ARID5B: variants seen among roughly 807,000 people sequenced by gnomAD.
ARID5B encodes the protein AT-rich interactive domain-containing protein 5B.
A neutral mutation model predicts 97.2 loss-of-function variants in ARID5B; 13 were observed. The observed-to-expected ratio is 0.13, with a 90% CI of 0.09 to 0.21. ARID5B has a LOEUF of 0.21. Ranked by LOEUF, ARID5B falls within the 10% of genes least tolerant of loss-of-function variation. The probability of loss-of-function intolerance (pLI) is 1.00; values close to 1 mark genes in which losing one functional copy is unlikely to be tolerated. For synonymous variants in ARID5B, 556 were observed against 570.3 expected (o/e 0.97, Z 0.36); for missense variants, 1,210 against 1,465.3 (o/e 0.83, Z 2.84).
At chr10:61,955,572 ATCTAGTTACAAGATTTT>A (rs1564612499) in intron 3 of ARID5B, among the ~76,000 whole-genome samples, 1 of 152,230 alleles carries the variant, frequency 6.6e-6, no homozygotes, top group Non-Finnish European at 1.5e-5. Flanking sequence ...ACTACAGATA[ATCTAGTTACAAGATTTT>A]AGTAATGTCA....
At chr10:62,065,021 G>A (rs1589280973) in intron 7 of ARID5B, among the ~76,000 whole-genome samples, 3 of 152,186 alleles carry the variant, frequency 2.0e-5, no homozygotes, top group African/African-American at 4.8e-5. Context: ...TGATCCACCC[G>A]TCTCAGCCTC....
At chr10:61,934,472 C>T (rs1434834035) in intron 2 of ARID5B, among the ~76,000 whole-genome samples, 1 of 152,144 alleles carries the variant, frequency 6.6e-6, no homozygotes, top group African/African-American at 2.4e-5. Flanking sequence ...TTATTTCTAG[C>T]TTTTGATTTA....
At chr10:62,087,745 T>C (rs1193167219) in intron 9 of ARID5B, among the ~76,000 whole-genome samples, 1 of 152,162 alleles carries the variant, frequency 6.6e-6, no homozygotes, top group Admixed American at 6.5e-5. Flanking sequence ...CAGCTGACTC[T>C]TACATAAGAA....
At chr10:61,935,117 C>T (rs1045572226) in intron 2 of ARID5B, among the ~76,000 whole-genome samples, 15 of 151,752 alleles carry the variant, frequency 9.9e-5, no homozygotes, top group African/African-American at 2.7e-4. Flanking sequence ...AGACACAAAG[C>T]GAGCACCTCC....
intron 3 of ARID5B, among the ~76,000 whole-genome samples, chr10:61,940,955 A>C (rs1216144819): frequency 1.4e-4 from 1 of 7,276 alleles, no homozygotes; most frequent in Non-Finnish European, 3.2e-4. Context: ...ATATATATAT[A>C]TATATATATA....
intron 3 of ARID5B, among the ~76,000 whole-genome samples, chr10:61,988,181 G>A (rs1005556165): frequency 1.6e-4 from 24 of 152,232 alleles, no homozygotes; most frequent in African/African-American, 5.1e-4. Flanking sequence ...CTGCTTTGCC[G>A]TGAGATTAAA....
intron 2 of ARID5B, 23 bp from the exon 3 acceptor site, chr10:61,940,160 T>A: frequency 6.2e-7 from 1 of 1,611,802 alleles, no homozygotes; most frequent in Non-Finnish European, 8.5e-7. Context: ...CGTTTTTTGT[T>A]CTTCCCCAAC....
At chr10:62,008,952 C>T (rs924394256) in intron 4 of ARID5B, among the ~76,000 whole-genome samples, 41 of 152,210 alleles carry the variant, frequency 2.7e-4, no homozygotes, top group African/African-American at 9.1e-4. Context: ...GGTCTAATTT[C>T]AAAAAAATGA....
At chr10:62,024,290 CAAAG>C (rs1839392171) in intron 4 of ARID5B, among the ~76,000 whole-genome samples, 1 of 152,120 alleles carries the variant, frequency 6.6e-6, no homozygotes, top group Non-Finnish European at 1.5e-5. Context: ...CACATACACA[CAAAG>C]AGAAATATAG....
At chr10:62,082,896 C>T (rs1287522306) in intron 8 of ARID5B, among the ~76,000 whole-genome samples, 1 of 152,150 alleles carries the variant, frequency 6.6e-6, no homozygotes, top group Non-Finnish European at 1.5e-5. Context: ...CGAGACCGTG[C>T]CCTGTTCTTC....
chr10:61,911,703 A>G (rs1272857014), intron 2 of ARID5B, among the ~76,000 whole-genome samples: 1 of 152,180 alleles, frequency 6.6e-6, no homozygotes, highest in East Asian at 1.9e-4. Context: ...TTCATAGGCC[A>G]TACATTGTGC....
intron 3 of ARID5B, among the ~76,000 whole-genome samples, chr10:61,976,695 T>C (rs1290072712): frequency 6.6e-6 from 1 of 152,132 alleles, no homozygotes; most frequent in African/African-American, 2.4e-5. Flanking sequence ...TGGAAGGTGG[T>C]TTGGAGCATC....
At chr10:62,034,126 A>G (rs745623357) in intron 4 of ARID5B, among the ~76,000 whole-genome samples, 1 of 152,248 alleles carries the variant, frequency 6.6e-6, no homozygotes, top group Admixed American at 6.5e-5. Flanking sequence ...GGTGAAGATA[A>G]TCAGACGTAA....
chr10:62,054,319 A>C (rs532964829), intron 5 of ARID5B, among the ~76,000 whole-genome samples: 1 of 152,336 alleles, frequency 6.6e-6, no homozygotes, highest in East Asian at 1.9e-4. Context: ...AAATGTAAAA[A>C]CATACAGAAA....
At chr10:61,921,496 C>T (rs1844014397) in intron 2 of ARID5B, among the ~76,000 whole-genome samples, 1 of 152,182 alleles carries the variant, frequency 6.6e-6, no homozygotes, top group African/African-American at 2.4e-5. Context: ...CCACATGGGC[C>T]TCTCCATAGG....
At chr10:61,923,433 A>G (rs1844051340) in intron 2 of ARID5B, among the ~76,000 whole-genome samples, 1 of 152,224 alleles carries the variant, frequency 6.6e-6, no homozygotes, top group African/African-American at 2.4e-5. Flanking sequence ...ATACATGACT[A>G]TCCGCTCTAG....
At chr10:61,990,739 T>C (rs1295149132) in intron 3 of ARID5B, among the ~76,000 whole-genome samples, 1 of 152,202 alleles carries the variant, frequency 6.6e-6, no homozygotes, top group Non-Finnish European at 1.5e-5. Context: ...TCTTTGTCAT[T>C]GTTGTGTAAA....
chr10:61,972,315 C>G (rs914514188), intron 3 of ARID5B, among the ~76,000 whole-genome samples: 1 of 151,048 alleles, frequency 6.6e-6, no homozygotes, highest in Non-Finnish European at 1.5e-5. Context: ...GCAACCTCCG[C>G]CTCCCAGGTT....
intron 3 of ARID5B, among the ~76,000 whole-genome samples, chr10:61,947,261 C>CTTTTTTTTTTTTTTTTTTTTTTTTTTTT (rs199587188): frequency 3.2e-5 from 4 of 124,266 alleles, no homozygotes; most frequent in Non-Finnish European, 6.7e-5. Flanking sequence ...CACTTACTTT[C>CTTTTTTTTTTTTTTTTTTTTTTTTTTTT]TTTTTTTTTT....
Sources: gnomAD v4.1 joint callset for allele counts (sites outside exome capture counted in the v4.1 genomes callset) on GRCh38, gnomAD v4.1.1 for gene constraint, MANE v1.5 for transcripts, NCBI Gene and HGNC (gene_info 2026-07-23, HGNC 2026-07-21) for gene names.